The following SYT2 variants were observed in gnomAD, a reference collection of about 807,000 sequenced individuals.
The protein encoded by SYT2 is synaptotagmin-2.
SYT2 carries 15 observed loss-of-function variants against 39.9 expected under a neutral mutation model. The ratio of observed to expected loss-of-function variants is 0.38; its 90% CI spans 0.25 to 0.58. The LOEUF (loss-of-function observed/expected upper bound fraction) is 0.58, where lower values mean the gene tolerates loss of function less well. Among genes scored for constraint, SYT2 ranks in the 20% least tolerant of loss-of-function variants. SYT2 has a pLI of 0.70. For synonymous variants in SYT2, 181 were observed against 204.5 expected, an observed-to-expected ratio of 0.89 and a Z score of 0.98; for missense variants, 389 against 530.3, an observed-to-expected ratio of 0.73 and a Z score of 2.62.
At chr1:202,600,278 TG>T in intron 7 of SYT2, 78 bp downstream of exon 7, 1 of 1,192,758 alleles carries the variant, frequency 8.4e-7, no homozygotes, top group Non-Finnish European at 1.2e-6. Flanking sequence ...TCCTCTTCAC[TG>T]GAGTGTGCAA....
chr1:202,643,327 G>T (rs1026718557), intron 1 of SYT2: 5 of 152,178 alleles, frequency 3.3e-5, no homozygotes, highest in African/African-American at 1.2e-4. Flanking sequence ...GAGGGCGGGG[G>T]CGGGGGCGGG....
Position 202,592,705 on chromosome 1 carries a change from C to T in SYT2, c.*4052G>A, listed in dbSNP as rs2149059415. 6.6e-6 allele frequency: 1 copy of T among 152,264 alleles called. No individual in the cohort carries two copies. The highest frequency in any genetic ancestry group is 1.9e-4 in the East Asian group (1 of 5,188). 9.4% of individuals were successfully genotyped at this position (152,264 alleles called of 1,614,324 possible). ...TAAAGTAATTCATGTGTCTTCAAGTCACAGTGTCCCCTTCTCAATATTGCA... is the reference window on the plus strand; with the variant it reads ...TAAAGTAATTCATGTGTCTTCAAGTTACAGTGTCCCCTTCTCAATATTGCA... On this transcript the variant is annotated 3_prime_UTR_variant, in exon 9 of 9. Transcript: ENST00000367268.
chr1:202,698,249 G>T (rs1464966245), intron 1 of SYT2, among the ~76,000 whole-genome samples: 2 of 152,204 alleles, frequency 1.3e-5, no homozygotes, highest in Admixed American at 1.3e-4. Context: ...CCTACAGAGA[G>T]GTACCTGGAC....
At chr1:202,644,065 T>G (rs1035734502) in intron 1 of SYT2, among the ~76,000 whole-genome samples, 1 of 152,042 alleles carries the variant, frequency 6.6e-6, no homozygotes, top group Admixed American at 6.5e-5. Context: ...AAAAGGCAGA[T>G]GCTGGAGGGG....
chr1:202,650,913 G>C lies in SYT2; in HGVS notation c.-17-45124C>G, dbSNP rs377564805. Reference sequence around the variant, plus strand: ...GGGTGTTTCAGGCAAAGGGAATAGCGAGTGCTCCAGCGTGGAAGAAGGAGG... The same window carrying C: ...GGGTGTTTCAGGCAAAGGGAATAGCCAGTGCTCCAGCGTGGAAGAAGGAGG... On this transcript the variant is annotated intron_variant, in intron 1 of 8. Transcript: ENST00000367268. Among the ~76,000 whole-genome samples, 18 of 152,260 alleles carry C rather than the reference G, an allele frequency of 1.2e-4. 1 individual carries two copies. The highest frequency in any genetic ancestry group is 7.8e-4 in the Admixed American group (12 of 15,298).
intron 1 of SYT2, among the ~76,000 whole-genome samples, chr1:202,631,651 C>T (rs1241299590): frequency 1.3e-5 from 2 of 152,122 alleles, no homozygotes; most frequent in South Asian, 4.2e-4. Context: ...ATGGATGAAC[C>T]CACTGCGGGG....
At chr1:202,707,585 C>A (rs550713172) in intron 1 of SYT2, among the ~76,000 whole-genome samples, 8 of 152,278 alleles carry the variant, frequency 5.3e-5, no homozygotes, top group South Asian at 4.1e-4. Context: ...ATGCTTCTGT[C>A]CAGGGAAGGG....
At position 202,624,757 on chromosome 1, in the gene SYT2, TGTGTGTGTGGTGTGTG is replaced by T. The variant is rs571192440; in HGVS notation, c.-17-18984_-17-18969del. ...GTGTGGCATGTAGTAGGGTGTGTGG[TGTGTGTGTGGTGTGTG>T]GTGTGTGTGTGGTGTGTATGGCATG... On this transcript the variant is annotated intron_variant, in intron 1 of 8. Transcript: ENST00000367268. 9.1e-3 allele frequency among the ~76,000 whole-genome samples: 940 copies of T among 103,526 alleles called. 3 individuals are homozygous for T. The highest frequency in any genetic ancestry group is 0.039 in the African/African-American group (860 of 22,054). The allele number at this position is 103,526 out of a possible 152,430, so 67.9% of individuals were successfully genotyped here.
At chr1:202,622,555 AGCAATTCC>A (rs888279752) in intron 1 of SYT2, among the ~76,000 whole-genome samples, 2 of 128,046 alleles carry the variant, frequency 1.6e-5, no homozygotes, top group African/African-American at 7.2e-5. Context: ...CGCTGAGATC[AGCAATTCC>A]AGGCCACCTG....
intron 1 of SYT2, among the ~76,000 whole-genome samples, chr1:202,644,444 G>A (rs1215481649): frequency 6.6e-6 from 1 of 150,906 alleles, no homozygotes; most frequent in Non-Finnish European, 1.5e-5. Flanking sequence ...TGTCACCCTT[G>A]GGCCTCACCC....
At chr1:202,701,071 A>G (rs183652078) in intron 1 of SYT2, among the ~76,000 whole-genome samples, 1 of 152,346 alleles carries the variant, frequency 6.6e-6, no homozygotes, top group Non-Finnish European at 1.5e-5. Context: ...ATATTAACAA[A>G]TCACATCTAT....
chr1:202,616,094 G>T (rs181270029), intron 1 of SYT2, among the ~76,000 whole-genome samples: 25 of 152,194 alleles, frequency 1.6e-4, no homozygotes, highest in East Asian at 1.4e-3. Context: ...GAAACTGCAG[G>T]AAACGCCTCC....
At chr1:202,660,648 T>C (rs919320958) in intron 1 of SYT2, among the ~76,000 whole-genome samples, 7 of 152,210 alleles carry the variant, frequency 4.6e-5, no homozygotes, top group Admixed American at 4.6e-4. Flanking sequence ...ACATTTTTAA[T>C]TTAAAAAATA....
intron 6 of SYT2, among the ~76,000 whole-genome samples, chr1:202,600,859 G>A (rs537419935): frequency 3.9e-5 from 6 of 152,280 alleles, no homozygotes; most frequent in Admixed American, 2.6e-4. Context: ...TGCGAGAAGC[G>A]GGTGGGTTAG....
intron 1 of SYT2, among the ~76,000 whole-genome samples, chr1:202,665,837 G>A (rs577890220): frequency 1.3e-5 from 2 of 152,210 alleles, no homozygotes; most frequent in South Asian, 4.1e-4. Flanking sequence ...AATTTAAGAA[G>A]CAAATCACAA....
Position 202,626,209 on chromosome 1 carries a change from G to A in SYT2, c.-17-20420C>T, listed in dbSNP as rs577537751. Among the ~76,000 whole-genome samples, 8 of 152,094 alleles carry A rather than the reference G, an allele frequency of 5.3e-5. No individual in the cohort carries two copies. In the South Asian group the frequency reaches 8.3e-4, roughly 16 times the overall value. Reference sequence around the variant, plus strand: ...ACGATGCGGGTCACCTTACAGCCTCGGGGTTGGAAGAGACCACAGGGTCAC... The same window carrying A: ...ACGATGCGGGTCACCTTACAGCCTCAGGGTTGGAAGAGACCACAGGGTCAC... On this transcript the variant is annotated intron_variant, in intron 1 of 8. Coordinates refer to ENST00000367268, the MANE Select transcript of SYT2 (RefSeq NM_177402.5).
At chr1:202,664,566 T>A (rs1199607711) in intron 1 of SYT2, among the ~76,000 whole-genome samples, 2 of 152,180 alleles carry the variant, frequency 1.3e-5, no homozygotes, top group Non-Finnish European at 2.9e-5. Context: ...CCAGGTAAAC[T>A]GTGATTTGGT....
chr1:202,697,508 C>T (rs760488055), intron 1 of SYT2, among the ~76,000 whole-genome samples: 7 of 152,228 alleles, frequency 4.6e-5, no homozygotes, highest in South Asian at 4.1e-4. Flanking sequence ...TGACTTGCTG[C>T]GAACCTCACG....
intron 1 of SYT2, among the ~76,000 whole-genome samples, chr1:202,707,272 T>G (rs544701100): frequency 2.4e-4 from 36 of 152,294 alleles, no homozygotes; most frequent in Admixed American, 2.0e-3. Flanking sequence ...AAATACTTGT[T>G]GCAAATGTCA....
Sources: allele counts gnomAD v4.1 joint callset (sites outside exome capture counted in the v4.1 genomes callset), GRCh38; gene constraint gnomAD v4.1.1; transcripts MANE v1.5; gene names NCBI Gene and HGNC (gene_info 2026-07-23, HGNC 2026-07-21).